Variants in ARHGAP6 observed in about 807,000 individuals in gnomAD.
ARHGAP6 encodes the protein Rho GTPase activating protein 6, also known as rho GTPase-activating protein 6.
A neutral mutation model predicts 55.7 loss-of-function variants in ARHGAP6; 16 were observed. The observed-to-expected ratio is 0.29, with a 90% CI of 0.19 to 0.44. The LOEUF is 0.44. ARHGAP6 is among the 20% of genes least tolerant of loss of function. The pLI, the probability that ARHGAP6 is intolerant of heterozygous loss-of-function variation, is 1.00. For synonymous variants in ARHGAP6, 382 were observed against 360.9 expected, an observed-to-expected ratio of 1.06 and a Z score of -0.66; for missense variants, 698 against 808.9, an observed-to-expected ratio of 0.86 and a Z score of 1.66.
chrX:11,349,383 C>G (rs2048828921), intron 1 of ARHGAP6, among the ~76,000 whole-genome samples: 1 of 110,562 alleles, frequency 9.0e-6, no homozygotes, highest in African/African-American at 3.3e-5. Flanking sequence ...TATTTTTTAC[C>G]GTGTATGTAT....
chrX:11,372,079 C>T (rs983176139), intron 1 of ARHGAP6, among the ~76,000 whole-genome samples: 4 of 112,007 alleles, frequency 3.6e-5, no homozygotes, highest in Non-Finnish European at 7.5e-5. Flanking sequence ...AAAGGGGAAA[C>T]AAGCCCATCT....
Position 11,144,012 on chromosome X carries a change from C to T in ARHGAP6, c.2144G>A (p.Arg715Lys). ...AAGCCTTGGTCCAGGAGAACTTTCCCTTGACTTTGACGACGACAAGTGGCC... is the reference window on the plus strand; with the variant it reads ...AAGCCTTGGTCCAGGAGAACTTTCCTTTGACTTTGACGACGACAAGTGGCC... ...LVGHLSSSKSRESSPGPRLGK... is the reference protein window; with the variant it reads ...LVGHLSSSKSKESSPGPRLGK... The change falls in exon 11 of 13, where the codon AGG becomes AAG. Residue 715 changes from arginine to lysine, a missense_variant. Arg to Lys is a conservative substitution (Grantham distance 26). This residue lies in a region of ARHGAP6 where 322 missense variants were observed against 451.1 expected (regional missense o/e 0.71). Coordinates refer to ENST00000337414, the MANE Select transcript of ARHGAP6 (RefSeq NM_013427.3). 1 of 1,211,940 alleles carries T rather than the reference C, an allele frequency of 8.3e-7. No homozygotes were observed. The highest frequency in any genetic ancestry group is 1.1e-6 in the Non-Finnish European group (1 of 895,599).
At chrX:11,386,222 T>A (rs188582261) in intron 1 of ARHGAP6, among the ~76,000 whole-genome samples, 4 of 113,163 alleles carry the variant, frequency 3.5e-5, no homozygotes, top group Non-Finnish European at 7.5e-5. Context: ...ATGACTCAGA[T>A]ACTAGAATTG....
chrX:11,655,478 G>A (rs1332676010), intron 1 of ARHGAP6, among the ~76,000 whole-genome samples: 4 of 111,812 alleles, frequency 3.6e-5, no homozygotes, highest in Non-Finnish European at 5.6e-5. Context: ...AAGCTGCTGC[G>A]TCATGTTACA....
chrX:11,590,644 G>A, intron 1 of ARHGAP6, among the ~76,000 whole-genome samples: 1 of 105,422 alleles, frequency 9.5e-6, no homozygotes, highest in Middle Eastern at 4.7e-3. Context: ...AATTAGCCAG[G>A]CGTGGTGGTG....
chrX:11,311,616 A>G (rs1197259066), intron 1 of ARHGAP6, among the ~76,000 whole-genome samples: 8 of 111,742 alleles, frequency 7.2e-5, no homozygotes, highest in Non-Finnish European at 1.1e-4. Context: ...GAAAGTATCC[A>G]TTTTTAAAGG....
chrX:11,427,671 C>T, intron 1 of ARHGAP6: 1 of 838,612 alleles, frequency 1.2e-6, no homozygotes, highest in Non-Finnish European at 1.5e-6. Context: ...CCGCACTTCA[C>T]TGCCATCCTG....
At chrX:11,146,246 G>A (rs1169257228) in intron 10 of ARHGAP6, among the ~76,000 whole-genome samples, 1 of 112,686 alleles carries the variant, frequency 8.9e-6, no homozygotes, top group African/African-American at 3.2e-5. Flanking sequence ...GGAAGTACCA[G>A]TGTAGTGTTC....
chrX:11,155,857 G>C (rs1257369461), intron 10 of ARHGAP6, among the ~76,000 whole-genome samples: 3 of 112,279 alleles, frequency 2.7e-5, no homozygotes, highest in African/African-American at 9.7e-5. Context: ...TGCCTCTGCA[G>C]CAAAGATTGG....
intron 1 of ARHGAP6, among the ~76,000 whole-genome samples, chrX:11,402,584 T>C (rs768313372): frequency 2.7e-4 from 30 of 111,713 alleles, no homozygotes; most frequent in African/African-American, 7.5e-4. Context: ...CTACAAGACA[T>C]TGCTCTGGCA....
intron 1 of ARHGAP6, among the ~76,000 whole-genome samples, chrX:11,565,485 C>G (rs5979414): frequency 0.27 from 30,346 of 111,188 alleles, 3,199 homozygotes; most frequent in Middle Eastern, 0.39. Context: ...TCAGGGTGAG[C>G]TCACACAAAT....
chrX:11,479,679 C>A (rs937119765), intron 1 of ARHGAP6, among the ~76,000 whole-genome samples: 1 of 111,754 alleles, frequency 8.9e-6, no homozygotes, highest in African/African-American at 3.3e-5. Flanking sequence ...TCATTTTGTA[C>A]TGGGTTCTGC....
At chrX:11,270,375 A>G (rs1328238834) in intron 1 of ARHGAP6, among the ~76,000 whole-genome samples, 3 of 111,902 alleles carry the variant, frequency 2.7e-5, no homozygotes, top group Admixed American at 9.5e-5. Flanking sequence ...TCAGGGCTCA[A>G]AGCCCTGTGG....
chrX:11,250,604 T>C (rs2047410877), intron 2 of ARHGAP6, among the ~76,000 whole-genome samples: 1 of 111,733 alleles, frequency 8.9e-6, no homozygotes, highest in Non-Finnish European at 1.9e-5. Context: ...GCCATCTGCA[T>C]TCCTTGGCTC....
intron 1 of ARHGAP6, among the ~76,000 whole-genome samples, chrX:11,410,615 T>A (rs1461987372): frequency 8.9e-6 from 1 of 112,471 alleles, no homozygotes; most frequent in Non-Finnish European, 1.9e-5. Context: ...ACACTTTAAA[T>A]GGGTGAATTG....
chrX:11,576,616 A>G (rs922994266), intron 1 of ARHGAP6, among the ~76,000 whole-genome samples: 1 of 112,341 alleles, frequency 8.9e-6, no homozygotes, highest in Admixed American at 9.5e-5. Context: ...ATAAGCATAC[A>G]ATATCAGATT....
At chrX:11,169,777 T>A in intron 8 of ARHGAP6, 93 bp from the exon 9 acceptor site, 1 of 722,409 alleles carries the variant, frequency 1.4e-6, no homozygotes. Context: ...ACTCTCCTTT[T>A]TTTTTTTTAA....
chrX:11,138,663 G>A lies in ARHGAP6; in HGVS notation c.*200C>T, dbSNP rs1313627933. 20 of 460,457 alleles carry A rather than the reference G, an allele frequency of 4.3e-5. No homozygotes were observed. In the Admixed American group the frequency reaches 7.6e-4, roughly 18 times the overall value. The allele number at this position is 460,457 out of a possible 1,213,427, so 37.9% of individuals were successfully genotyped here. On this transcript the variant is annotated 3_prime_UTR_variant, in exon 13 of 13. Coordinates refer to ENST00000337414, the MANE Select transcript of ARHGAP6 (RefSeq NM_013427.3). ...TTTGGGTTCTGTTTGTTTTTCCTAA[G>A]GCTGGCTACGCAATGGAACCTTATT...
intron 1 of ARHGAP6, among the ~76,000 whole-genome samples, chrX:11,314,075 G>A (rs956561319): frequency 6.2e-5 from 7 of 112,550 alleles, no homozygotes; most frequent in African/African-American, 1.9e-4. Flanking sequence ...TATTGTGCGT[G>A]TTCAGGAATA....
Sources: gnomAD v4.1 joint callset for allele counts (sites outside exome capture counted in the v4.1 genomes callset) on GRCh38, gnomAD v4.1.1 for gene constraint, gnomAD v4.1.1 regional missense constraint, MANE v1.5 for transcripts, NCBI Gene and HGNC (gene_info 2026-07-23, HGNC 2026-07-21) for gene names.